The following UBE3A variants were observed in gnomAD, a reference collection of about 807,000 sequenced individuals.
UBE3A encodes the protein ubiquitin-protein ligase E3A.
Under a neutral mutation model 83.4 loss-of-function variants are expected in UBE3A, and 6 were observed. The ratio of observed to expected loss-of-function variants is 0.07; its 90% CI spans 0.04 to 0.14. UBE3A has a LOEUF of 0.14. UBE3A is among the 10% of genes least tolerant of loss of function. The pLI is 1.00. For synonymous variants in UBE3A, 337 were observed against 355.4 expected (o/e 0.95, Z 0.58); for missense variants, 456 against 1,036.1 (o/e 0.44, Z 7.69).
At position 25,375,354 on chromosome 15, in the gene UBE3A, A is replaced by G. The variant is rs994021035; in HGVS notation, c.361+111T>C. ...ACCACAATAAAAAATTGGTTCTACG[A>G]TATCAAAATGTCTTTATGTCACAGA... On this transcript the variant is annotated intron_variant, in intron 5 of 12. Coordinates refer to ENST00000648336, the MANE Select transcript of UBE3A (RefSeq NM_130839.5). 59 of 1,329,960 alleles carry G rather than the reference A, an allele frequency of 4.4e-5. No homozygotes were observed. In the African/African-American group the frequency reaches 7.6e-4, roughly 17 times the overall value. The allele number at this position is 1,329,960 out of a possible 1,614,324, so 82.4% of individuals were successfully genotyped here.
intron 4 of UBE3A, among the ~76,000 whole-genome samples, chr15:25,382,505 A>C (rs1462073498): frequency 6.6e-6 from 1 of 152,018 alleles, no homozygotes; most frequent in African/African-American, 2.4e-5. Flanking sequence ...AAAAACCTTA[A>C]ATCAACAAAT....
In UBE3A at chr15:25,371,188, T is replaced by C. The variant is rs556829175; in HGVS notation, c.986A>G (p.Asn329Ser). Residue 329 changes from asparagine (N) to serine (S), a missense_variant, in exon 6 of 13, where the codon AAT becomes AGT. Asn to Ser is a conservative substitution (Grantham distance 46). This residue lies in a region of UBE3A where 85 missense variants were observed against 137.0 expected (regional missense o/e 0.62). Transcript: ENST00000648336. The surrounding 1 kb of genome is among the most constrained non-coding windows in gnomAD (Gnocchi z 5.3). ...GKLIRLWSKY[N>S]ADQIRRMMET... ...CATCATTCTCCGAATCTGGTCTGCATTGTATTTAGACCACAGTCTGATCAG... is the reference window on the plus strand; with the variant it reads ...CATCATTCTCCGAATCTGGTCTGCACTGTATTTAGACCACAGTCTGATCAG... The C allele has an allele frequency of 2.8e-5, 46 of 1,614,134 alleles. No individual in the cohort carries two copies. The African/African-American group carries it at 3.1e-4, about 11-fold the overall frequency.
chr15:25,396,157 C>T (rs527733324), intron 4 of UBE3A, among the ~76,000 whole-genome samples: 20 of 151,632 alleles, frequency 1.3e-4, no homozygotes, highest in African/African-American at 4.1e-4. Flanking sequence ...AGCCAAATTG[C>T]GCCACTGCAC....
chr15:25,358,024 C>T (rs1220868207), intron 7 of UBE3A, among the ~76,000 whole-genome samples: 5 of 151,536 alleles, frequency 3.3e-5, no homozygotes, highest in East Asian at 2.0e-4. Context: ...CCTCAGCCTC[C>T]GGAGTAGTTG....
intron 7 of UBE3A, among the ~76,000 whole-genome samples, chr15:25,359,511 A>C (rs370973138): frequency 6.6e-6 from 1 of 151,498 alleles, no homozygotes; most frequent in African/African-American, 2.4e-5. Flanking sequence ...TCAACAGGCT[A>C]TAACAGCTCA....
chr15:25,355,692 G>A (rs1428032182), intron 9 of UBE3A, among the ~76,000 whole-genome samples, 200 bp downstream of exon 9: 1 of 152,068 alleles, frequency 6.6e-6, no homozygotes, highest in Non-Finnish European at 1.5e-5. Context: ...TTCTCTAAAA[G>A]GGGCTTTAGT....
chr15:25,419,997 C>G (rs7175968), intron 1 of UBE3A, among the ~76,000 whole-genome samples: 18,111 of 151,896 alleles, frequency 0.12, 1,154 homozygotes, highest in Middle Eastern at 0.23. Flanking sequence ...AAATAGAAAA[C>G]AAATAGTGTC....
chr15:25,365,470 C>T (rs1178678773), intron 6 of UBE3A, among the ~76,000 whole-genome samples: 4 of 152,188 alleles, frequency 2.6e-5, no homozygotes, highest in South Asian at 2.1e-4. Context: ...GCTTCAAGGC[C>T]GGGCGTGGTG....
chr15:25,353,762 A>G (rs144025596), intron 11 of UBE3A, among the ~76,000 whole-genome samples: 32 of 152,268 alleles, frequency 2.1e-4, no homozygotes, highest in Admixed American at 2.0e-3. Context: ...GGGGAAGCCT[A>G]TGTCTTTCAG....
At chr15:25,366,018 C>G (rs535568452) in intron 6 of UBE3A, among the ~76,000 whole-genome samples, 6 of 152,210 alleles carry the variant, frequency 3.9e-5, no homozygotes, top group Admixed American at 3.3e-4. Flanking sequence ...GCTGGAATCT[C>G]TTTTAGATTT....
chr15:25,438,684 G>T lies in UBE3A; in HGVS notation c.-360C>A, dbSNP rs2153195924. The stretch of plus-strand genomic sequence containing the variant: ...CGGGGCCGCCGAAATCCCGGCGTTC[G>T]TCGCCAGCCGCCGCTGCCTGTCCAC... On this transcript the variant is annotated 5_prime_UTR_variant, in exon 1 of 13. Transcript: ENST00000648336. 1 of 152,712 alleles carries T rather than the reference G, an allele frequency of 6.5e-6. No individual in the cohort carries two copies. The highest frequency in any genetic ancestry group is 2.0e-4 in the South Asian group (1 of 4,880). 9.5% of individuals were successfully genotyped at this position (152,712 alleles called of 1,614,324 possible).
chr15:25,383,571 G>A lies in UBE3A; in HGVS notation c.63-7808C>T, dbSNP rs140217995. ...ACAATCACTTGAGAACCCGGGAGGCGGAGCTGGCAGTGAGGTGAGATAGCA... is the reference window on the plus strand; with the variant it reads ...ACAATCACTTGAGAACCCGGGAGGCAGAGCTGGCAGTGAGGTGAGATAGCA... On this transcript the variant is annotated intron_variant, in intron 4 of 12. Coordinates refer to ENST00000648336, the MANE Select transcript of UBE3A (RefSeq NM_130839.5). Among the ~76,000 whole-genome samples the A allele has an allele frequency of 6.6e-3, 999 of 152,208 alleles. 10 individuals are homozygous for A. The highest frequency in any genetic ancestry group is 0.023 in the African/African-American group (952 of 41,516).
chr15:25,359,132 C>T (rs2077634861), intron 7 of UBE3A, among the ~76,000 whole-genome samples: 1 of 152,112 alleles, frequency 6.6e-6, no homozygotes, highest in South Asian at 2.1e-4. Context: ...ACTTCTACTG[C>T]CATCACTTCA....
intron 6 of UBE3A, among the ~76,000 whole-genome samples, chr15:25,366,203 A>G (rs947203210): frequency 2.6e-5 from 4 of 152,226 alleles, no homozygotes; most frequent in Non-Finnish European, 1.5e-5. Flanking sequence ...ATTAGAATAA[A>G]TCACAAGAAA....
chr15:25,352,189 T>C (rs2076605572), intron 11 of UBE3A, among the ~76,000 whole-genome samples: 3 of 152,156 alleles, frequency 2.0e-5, no homozygotes, highest in African/African-American at 7.2e-5. Flanking sequence ...AGCAAGACTG[T>C]TTAAACAAAC....
Position 25,333,768 on chromosome 15 carries a change from G to C in UBE3A, c.*5369C>G, listed in dbSNP as rs944233754. ...CAAGGTTTATGTAGCATGGACAACTGAGATTATCCCAGGAATGCAAAGTTA... is the reference window on the plus strand; with the variant it reads ...CAAGGTTTATGTAGCATGGACAACTCAGATTATCCCAGGAATGCAAAGTTA... On this transcript the variant is annotated 3_prime_UTR_variant, in exon 13 of 13. Transcript: ENST00000648336. The C allele has an allele frequency of 2.0e-5, 3 of 151,904 alleles. No individual in the cohort carries two copies. Among genetic ancestry groups the C allele is most frequent in the African/African-American group, 7.3e-5 (3 of 41,308 alleles). The allele number at this position is 151,904 out of a possible 1,614,324, so 9.4% of individuals were successfully genotyped here.
intron 4 of UBE3A, among the ~76,000 whole-genome samples, chr15:25,397,008 G>T (rs1263908573): frequency 6.6e-6 from 1 of 152,156 alleles, no homozygotes; most frequent in Non-Finnish European, 1.5e-5. Flanking sequence ...GTAAAACCAA[G>T]AATCCTTCAT....
intron 4 of UBE3A, among the ~76,000 whole-genome samples, chr15:25,387,122 C>T (rs1197291696): frequency 6.6e-6 from 1 of 152,156 alleles, no homozygotes; most frequent in East Asian, 1.9e-4. Flanking sequence ...GTCCCAATAC[C>T]ATTATAAATT....
intron 1 of UBE3A, among the ~76,000 whole-genome samples, chr15:25,424,904 G>A (rs1046459010): frequency 7.2e-5 from 11 of 152,134 alleles, no homozygotes; most frequent in Non-Finnish European, 1.3e-4. Flanking sequence ...GCTCATGAAT[G>A]AGAAGACAGT....
Sources: allele counts gnomAD v4.1 joint callset (sites outside exome capture counted in the v4.1 genomes callset), GRCh38; gene constraint gnomAD v4.1.1; regional missense constraint gnomAD v4.1.1; non-coding constraint Gnocchi (gnomAD v3.1); transcripts MANE v1.5; gene names NCBI Gene and HGNC (gene_info 2026-07-23, HGNC 2026-07-21).